Variants in STON2 observed in about 807,000 individuals in gnomAD.
The protein encoded by STON2 is stonin 2, also known as stonin-2.
STON2 carries 29 observed loss-of-function variants against 65.7 expected under a neutral mutation model. The observed-to-expected ratio is 0.44, with a 90% CI of 0.33 to 0.60. The LOEUF is 0.60. Ranked by LOEUF, STON2 falls within the 20% of genes least tolerant of loss-of-function variation. STON2 has a pLI of 0.03. For synonymous variants in STON2, 404 were observed against 414.2 expected (o/e 0.98, Z 0.30); for missense variants, 1,054 against 1,118.1 (o/e 0.94, Z 0.82).
intron 5 of STON2, among the ~76,000 whole-genome samples, chr14:81,313,623 C>A (rs147569535): frequency 0.062 from 9,463 of 151,964 alleles, 376 homozygotes; most frequent in South Asian, 0.15. Flanking sequence ...AGTGAAGCCC[C>A]ATCTCTACTA....
At chr14:81,419,816 G>A (rs1429613773) in intron 2 of STON2, among the ~76,000 whole-genome samples, 1 of 152,172 alleles carries the variant, frequency 6.6e-6, no homozygotes, top group Non-Finnish European at 1.5e-5. Flanking sequence ...GCAATCCCAA[G>A]GAAGCCCAAG....
At chr14:81,334,701 T>C (rs1897311457) in intron 4 of STON2, among the ~76,000 whole-genome samples, 1 of 152,130 alleles carries the variant, frequency 6.6e-6, no homozygotes, top group South Asian at 2.1e-4. Context: ...AGAAAACTAC[T>C]GGCAATCCCA....
At chr14:81,397,918 C>A (rs1900405497) in intron 2 of STON2, among the ~76,000 whole-genome samples, 1 of 152,108 alleles carries the variant, frequency 6.6e-6, no homozygotes, top group African/African-American at 2.4e-5. Context: ...ATCACTCATC[C>A]CTGGTGCAAC....
chr14:81,263,306 A>C lies in STON2; in HGVS notation c.*5108T>G, dbSNP rs563672863. ...GTTATCCTAGCACTCTGGGAGGCTA[A>C]GGCGGGTGGATCACCTGAGCTCAGA... On this transcript the variant is annotated 3_prime_UTR_variant, in exon 8 of 8. Coordinates refer to ENST00000614646, the MANE Select transcript of STON2 (RefSeq NM_001394390.1). The C allele has an allele frequency of 7.8e-4, 194 of 249,946 alleles. No homozygotes were observed. Among genetic ancestry groups the C allele is most frequent in the Non-Finnish European group, 1.1e-3 (181 of 157,666 alleles). 15.5% of individuals were successfully genotyped at this position (249,946 alleles called of 1,614,324 possible). A position where few individuals can be genotyped will look rare whatever the true frequency, so the allele number is the denominator to read the frequency against.
intron 4 of STON2, among the ~76,000 whole-genome samples, chr14:81,355,615 T>A (rs1424147966): frequency 6.6e-6 from 1 of 152,242 alleles, no homozygotes; most frequent in East Asian, 1.9e-4. Context: ...TCATTGCCAG[T>A]ATGCCTACCT....
upstream of STON2, among the ~76,000 whole-genome samples, chr14:81,400,497 A>AAAAC (rs1555406734): frequency 1.9e-4 from 29 of 149,010 alleles, no homozygotes; most frequent in Admixed American, 4.0e-4. Flanking sequence ...AAAAAAAAAA[A>AAAAC]CCCACAATAC....
At position 81,277,247 on chromosome 14, in the gene STON2, G is replaced by A. The variant is rs963554897; in HGVS notation, c.2235C>T (p.Phe745=). The change falls in exon 6 of 8, where the codon TTC becomes TTT. Residue 745 remains phenylalanine, a synonymous_variant. Transcript: ENST00000614646. ...RTVFAEKTLP[F]TLRTATSVNG... is the part of the protein sequence containing the mutation. ...TGACACTTGTGGCCGTCCTGAGTGT[G>A]AAAGGCAAGGTCTTCTCAGCAAACA... is the stretch of plus-strand genomic sequence containing the variant. 2 of 1,614,066 alleles carry A rather than the reference G, an allele frequency of 1.2e-6. No individual in the cohort carries two copies. Among genetic ancestry groups the A allele is most frequent in the African/African-American group, 2.7e-5 (2 of 74,920 alleles).
chr14:81,281,645 G>A (rs1895125959), intron 5 of STON2, among the ~76,000 whole-genome samples: 1 of 152,164 alleles, frequency 6.6e-6, no homozygotes, highest in Non-Finnish European at 1.5e-5. Context: ...CCTCAAAACA[G>A]CCCTTCTCAT....
intron 4 of STON2, among the ~76,000 whole-genome samples, chr14:81,327,912 A>C (rs1897058238): frequency 6.6e-6 from 1 of 152,204 alleles, no homozygotes; most frequent in South Asian, 2.1e-4. Flanking sequence ...TACACCACTC[A>C]AGTTCAAACC....
At chr14:81,378,727 A>G (rs1566934767) in intron 3 of STON2, among the ~76,000 whole-genome samples, 1 of 152,222 alleles carries the variant, frequency 6.6e-6, no homozygotes, top group Non-Finnish European at 1.5e-5. Flanking sequence ...CTCAAGAACT[A>G]TTTTTAGCCC....
At chr14:81,293,108 G>A (rs1895622810) in intron 5 of STON2, among the ~76,000 whole-genome samples, 1 of 151,874 alleles carries the variant, frequency 6.6e-6, no homozygotes, top group African/African-American at 2.4e-5. Context: ...CAGGAAGATA[G>A]TGGGGGCTAA....
intron 3 of STON2, among the ~76,000 whole-genome samples, chr14:81,391,452 G>T (rs1378127497): frequency 6.6e-6 from 1 of 152,056 alleles, no homozygotes; most frequent in Non-Finnish European, 1.5e-5. Context: ...GGGCAGGAGT[G>T]GGGGGCTAAC....
intron 4 of STON2, among the ~76,000 whole-genome samples, chr14:81,343,124 C>T (rs1044669457): frequency 6.6e-6 from 1 of 152,138 alleles, no homozygotes; most frequent in Non-Finnish European, 1.5e-5. Flanking sequence ...AAGTTAACAG[C>T]TCACAACTGG....
At chr14:81,424,649 G>A (rs747046609) in intron 2 of STON2, among the ~76,000 whole-genome samples, 7 of 152,126 alleles carry the variant, frequency 4.6e-5, no homozygotes. Flanking sequence ...TATAGTGGGA[G>A]GACAGGCTGT....
rs770655270 is a variant in STON2, at chr14:81,278,068, G to A, written c.1414C>T (p.His472Tyr). The A allele has an allele frequency of 4.3e-6, 7 of 1,614,070 alleles. No individual in the cohort carries two copies. In the Admixed American group the frequency reaches 8.3e-5, roughly 19 times the overall value. Residue 472 changes from histidine to tyrosine, a missense_variant, in exon 6 of 8, where the codon CAC becomes TAC. Transcript: ENST00000614646. ...DPVAWIELDA[H>Y]PPGSARSQPR... ...TGGGACCGTGCTGATCCAGGCGGGTGAGCATCTAGTTCAATCCAGGCTACT... is the reference window on the plus strand; with the variant it reads ...TGGGACCGTGCTGATCCAGGCGGGTAAGCATCTAGTTCAATCCAGGCTACT...
chr14:81,289,057 C>G (rs1301327273), intron 5 of STON2, among the ~76,000 whole-genome samples: 2 of 152,136 alleles, frequency 1.3e-5, no homozygotes, highest in Non-Finnish European at 2.9e-5. Context: ...ACCTGCCCAC[C>G]AGGTGAACAC....
In STON2 at chr14:81,265,599, C is replaced by T. The variant is rs1894323782; in HGVS notation, c.*2815G>A. ...GGCAGAGGTTGCAATGAGCCGAGAT[C>T]ACGCCATTGCACTCCAGCCTGGGCG... On this transcript the variant is annotated 3_prime_UTR_variant, in exon 8 of 8. Coordinates refer to ENST00000614646, the MANE Select transcript of STON2 (RefSeq NM_001394390.1). 2.5e-6 allele frequency: 1 copy of T among 393,472 alleles called. No homozygotes were observed. Among genetic ancestry groups the T allele is most frequent in the Admixed American group, 6.5e-5 (1 of 15,384 alleles). 24.4% of individuals were successfully genotyped at this position (393,472 alleles called of 1,614,324 possible). A position where few individuals can be genotyped will look rare whatever the true frequency, so the allele number is the denominator to read the frequency against.
intron 1 of STON2, among the ~76,000 whole-genome samples, chr14:81,430,800 T>G (rs893926524): frequency 6.6e-6 from 1 of 152,220 alleles, no homozygotes; most frequent in Non-Finnish European, 1.5e-5. Context: ...TTCTATGCTG[T>G]GATACTTAAC....
At chr14:81,378,156 T>C (rs1427789994) in intron 3 of STON2, among the ~76,000 whole-genome samples, 1 of 150,850 alleles carries the variant, frequency 6.6e-6, no homozygotes, top group African/African-American at 2.4e-5. Flanking sequence ...TAGCCCATTT[T>C]TTTAATGGGA....
Sources: allele counts gnomAD v4.1 joint callset (sites outside exome capture counted in the v4.1 genomes callset), GRCh38; gene constraint gnomAD v4.1.1; transcripts MANE v1.5; gene names NCBI Gene and HGNC (gene_info 2026-07-23, HGNC 2026-07-21).